The following TTC1 variants were observed in gnomAD, a reference collection of about 807,000 sequenced individuals.
TTC1 encodes the protein tetratricopeptide repeat domain 1, also known as tetratricopeptide repeat protein 1.
TTC1 carries 31 observed loss-of-function variants against 37.6 expected under a neutral mutation model. The observed-to-expected ratio is 0.82, with a 90% confidence interval of 0.62 to 1.11. The LOEUF is 1.11. TTC1 is among the 50% of genes most tolerant of loss of function. The probability of loss-of-function intolerance (pLI) is 0.00; values close to 1 mark genes in which losing one functional copy is unlikely to be tolerated. For missense variants in TTC1, 351 were observed against 339.0 expected, an observed-to-expected ratio of 1.04 and a Z score of -0.28; for synonymous variants, 127 against 122.4, an observed-to-expected ratio of 1.04 and a Z score of -0.25.
intron 4 of TTC1, among the ~76,000 whole-genome samples, chr5:160,041,688 G>A: frequency 6.6e-6 from 1 of 152,036 alleles, no homozygotes; most frequent in East Asian, 1.9e-4. Context: ...TGAGTAGTAG[G>A]TTATGCCATG....
At chr5:160,028,620 C>T (rs183891006) in intron 2 of TTC1, among the ~76,000 whole-genome samples, 326 of 152,210 alleles carry the variant, frequency 2.1e-3, no homozygotes, top group Non-Finnish European at 3.6e-3. Context: ...ACCACAGGTG[C>T]GCACCACCAC....
At position 160,065,485 on chromosome 5, in the gene TTC1, C is replaced by T. The variant is rs1426768643; in HGVS notation, c.*420C>T. 4.5e-6 allele frequency: 2 copies of T among 446,060 alleles called. No individual in the cohort carries two copies. Among genetic ancestry groups the T allele is most frequent in the Admixed American group, 2.4e-5 (1 of 40,994 alleles). The allele number at this position is 446,060 out of a possible 1,614,324, so 27.6% of individuals were successfully genotyped here. On this transcript the variant is annotated 3_prime_UTR_variant, in exon 8 of 8. Transcript: ENST00000231238. ...GTCCCCTCCCTGATCACACAGCTAA[C>T]GAGGCTGCCTCCAGCATTTCCTGAT...
chr5:160,016,636 CT>C (rs201563513), intron 2 of TTC1, among the ~76,000 whole-genome samples: 44 of 150,036 alleles, frequency 2.9e-4, no homozygotes, highest in African/African-American at 7.1e-4. Flanking sequence ...GTAATATTTG[CT>C]TTTTTTTTCA....
At chr5:160,018,098 T>A (rs901359352) in intron 2 of TTC1, among the ~76,000 whole-genome samples, 1 of 152,158 alleles carries the variant, frequency 6.6e-6, no homozygotes, top group Admixed American at 6.6e-5. Flanking sequence ...AGAATTAGTA[T>A]CCTTATAAAG....
Position 160,064,930 on chromosome 5 carries a change from A to G in TTC1, c.746-2A>G. The G allele has an allele frequency of 6.2e-7, 1 of 1,605,748 alleles. No homozygotes were observed. The highest frequency in any genetic ancestry group is 8.5e-7 in the Non-Finnish European group (1 of 1,178,224). ...ATTTGAGTTTTTGCTTTTACATTAC[A>G]GGTAAATTAAAAGATCTTGGGAACT... is the stretch of plus-strand genomic sequence containing the variant. On this transcript the variant is annotated splice_acceptor_variant, in intron 7 of 7. Transcript: ENST00000231238. LOFTEE classifies it high-confidence loss of function.
intron 2 of TTC1, among the ~76,000 whole-genome samples, chr5:160,021,225 T>C (rs1296263334): frequency 6.6e-6 from 1 of 152,150 alleles, no homozygotes; most frequent in African/African-American, 2.4e-5. Context: ...TTAGCAAGCC[T>C]CCCAGGTAAT....
chr5:160,022,717 A>G (rs1371887940), intron 2 of TTC1, among the ~76,000 whole-genome samples: 1 of 152,170 alleles, frequency 6.6e-6, no homozygotes, highest in Non-Finnish European at 1.5e-5. Flanking sequence ...TACCATTTCC[A>G]TTTTTCATCC....
At chr5:160,032,590 A>G (rs1032150223) in intron 2 of TTC1, among the ~76,000 whole-genome samples, 4 of 151,878 alleles carry the variant, frequency 2.6e-5, no homozygotes, top group Non-Finnish European at 5.9e-5. Context: ...AGCAAAGACA[A>G]TGGAATGGTT....
At chr5:160,029,882 A>T (rs1756878736) in intron 2 of TTC1, among the ~76,000 whole-genome samples, 1 of 152,182 alleles carries the variant, frequency 6.6e-6, no homozygotes, top group South Asian at 2.1e-4. Flanking sequence ...CAGTACCTGG[A>T]GCATAGTTTA....
intron 2 of TTC1, among the ~76,000 whole-genome samples, chr5:160,026,950 ATTTTC>A (rs1561628204): frequency 7.0e-6 from 1 of 142,018 alleles, no homozygotes; most frequent in African/African-American, 2.6e-5. Context: ...CTTTTTAGCT[ATTTTC>A]TTAGTGGTTG....
At chr5:160,045,487 CACACACACACACACACACACACACACA>C in intron 5 of TTC1, among the ~76,000 whole-genome samples, 1 of 122,062 alleles carries the variant, frequency 8.2e-6, no homozygotes, top group Non-Finnish European at 1.7e-5. Context: ...CACACACACA[CACACACACACACACACACACACACACA>C]TACACACTCT....
At chr5:160,049,306 C>T (rs781292744) in intron 5 of TTC1, among the ~76,000 whole-genome samples, 5 of 152,118 alleles carry the variant, frequency 3.3e-5, no homozygotes, top group South Asian at 4.1e-4. Flanking sequence ...TGAGGAGCTG[C>T]GACACAGATG....
intron 7 of TTC1, among the ~76,000 whole-genome samples, chr5:160,054,328 A>G (rs1177055395): frequency 2.0e-5 from 3 of 152,226 alleles, no homozygotes. Flanking sequence ...CTGGGAAAAA[A>G]GTTGGCTGGG....
chr5:160,017,825 A>C (rs1370953808), intron 2 of TTC1, among the ~76,000 whole-genome samples: 1 of 152,198 alleles, frequency 6.6e-6, no homozygotes, highest in Non-Finnish European at 1.5e-5. Context: ...TATAAGTTAC[A>C]GAAATTTTTT....
At chr5:160,024,078 G>C (rs909888629) in intron 2 of TTC1, 1 of 968,810 alleles carries the variant, frequency 1.0e-6, no homozygotes, top group Non-Finnish European at 1.7e-6. Context: ...TAAGTGTGGG[G>C]GGATGGGCAA....
intron 2 of TTC1, among the ~76,000 whole-genome samples, chr5:160,032,615 G>A (rs1310879596): frequency 6.8e-6 from 1 of 147,916 alleles, no homozygotes; most frequent in East Asian, 2.0e-4. Context: ...TTGATTTGCT[G>A]TCATTGCAGC....
At chr5:160,056,416 A>G (rs948179275) in intron 7 of TTC1, among the ~76,000 whole-genome samples, 1 of 152,226 alleles carries the variant, frequency 6.6e-6, no homozygotes. Flanking sequence ...TAAGAATACC[A>G]TCTGGAGCTT....
intron 7 of TTC1, among the ~76,000 whole-genome samples, chr5:160,054,552 AG>A (rs1757490970): frequency 6.6e-6 from 1 of 152,038 alleles, no homozygotes; most frequent in Non-Finnish European, 1.5e-5. Context: ...TCAAGTTTGC[AG>A]TGTTACGATG....
intron 5 of TTC1, among the ~76,000 whole-genome samples, chr5:160,046,261 C>A (rs982694411): frequency 6.6e-6 from 1 of 152,172 alleles, no homozygotes; most frequent in Non-Finnish European, 1.5e-5. Flanking sequence ...TCATCTTGCT[C>A]AATTTAGTCG....
Sources: allele counts gnomAD v4.1 joint callset (sites outside exome capture counted in the v4.1 genomes callset), GRCh38; gene constraint gnomAD v4.1.1; transcripts MANE v1.5; gene names NCBI Gene and HGNC (gene_info 2026-07-23, HGNC 2026-07-21).